ASXL2: variants seen among roughly 807,000 people sequenced by gnomAD.
ASXL2 encodes the protein putative Polycomb group protein ASXL2.
In ASXL2, 23 loss-of-function variants were observed where a neutral mutation model predicts 122.0. That is an observed-to-expected ratio of 0.19 (90% CI 0.14 to 0.27). The LOEUF is 0.27. Ranked by LOEUF, ASXL2 falls within the 10% of genes least tolerant of loss-of-function variation. ASXL2 has a pLI of 1.00. For synonymous variants in ASXL2, 650 were observed against 637.0 expected (o/e 1.02, Z -0.31); for missense variants, 1,518 against 1,713.8 (o/e 0.89, Z 2.02).
intron 9 of ASXL2, among the ~76,000 whole-genome samples, chr2:25,759,182 T>C (rs147784235): frequency 0.02 from 2,998 of 152,282 alleles, 111 homozygotes; most frequent in African/African-American, 0.065. Context: ...CTTGAACTCC[T>C]GACCTCAGGT....
intron 8 of ASXL2, among the ~76,000 whole-genome samples, chr2:25,764,524 G>A (rs2088310027): frequency 6.6e-6 from 1 of 152,144 alleles, no homozygotes; most frequent in African/African-American, 2.4e-5. Context: ...AAGCCATCCT[G>A]GGCCACATGC....
intron 12 of ASXL2, among the ~76,000 whole-genome samples, chr2:25,748,093 C>T (rs1574393812): frequency 6.6e-6 from 1 of 151,842 alleles, no homozygotes; most frequent in Admixed American, 6.6e-5. Flanking sequence ...CAGGAGAATC[C>T]CTTGAATCCG....
rs1487673714 is a variant in ASXL2 at position 25,741,743 on chromosome 2, A to C, written c.*286T>G. On this transcript the variant is annotated 3_prime_UTR_variant, in exon 13 of 13. Transcript: ENST00000435504. Reference sequence around the variant, plus strand: ...CAAAGTAATACATTATTACCTAAACACTTGGAAAAATAATGTTAAACAAAA... The same window carrying C: ...CAAAGTAATACATTATTACCTAAACCCTTGGAAAAATAATGTTAAACAAAA... 1 of 383,728 alleles carries C rather than the reference A, an allele frequency of 2.6e-6. No homozygotes were observed. The highest frequency in any genetic ancestry group is 4.7e-6 in the Non-Finnish European group (1 of 210,778). 23.8% of individuals were successfully genotyped at this position (383,728 alleles called of 1,614,324 possible).
At chr2:25,811,828 T>C (rs1206380435) in intron 3 of ASXL2, among the ~76,000 whole-genome samples, 3 of 152,192 alleles carry the variant, frequency 2.0e-5, no homozygotes, top group Non-Finnish European at 2.9e-5. Flanking sequence ...CTTGGCTTAC[T>C]GTAACCTCTG....
intron 6 of ASXL2, among the ~76,000 whole-genome samples, chr2:25,770,146 T>C (rs2088420993): frequency 6.6e-6 from 1 of 152,246 alleles, no homozygotes; most frequent in Non-Finnish European, 1.5e-5. Flanking sequence ...TAACGTAAAA[T>C]TTATTAGAAC....
intron 1 of ASXL2, among the ~76,000 whole-genome samples, chr2:25,860,566 C>T (rs985372729): frequency 2.0e-5 from 3 of 151,394 alleles, no homozygotes; most frequent in Non-Finnish European, 4.4e-5. Context: ...TACAAAAATG[C>T]CGGGCGTGGT....
At chr2:25,769,151 T>C (rs1403629419) in intron 6 of ASXL2, among the ~76,000 whole-genome samples, 1 of 152,150 alleles carries the variant, frequency 6.6e-6, no homozygotes, top group Non-Finnish European at 1.5e-5. Context: ...TTCCTTTATA[T>C]AAATGTGAAA....
intron 3 of ASXL2, among the ~76,000 whole-genome samples, chr2:25,834,906 T>C (rs561929962): frequency 6.6e-6 from 1 of 152,160 alleles, no homozygotes; most frequent in Admixed American, 6.5e-5. Flanking sequence ...CACTGCAACC[T>C]CCACCTTGTG....
chr2:25,870,863 T>C (rs1347455712), intron 1 of ASXL2, among the ~76,000 whole-genome samples: 1 of 152,168 alleles, frequency 6.6e-6, no homozygotes, highest in Non-Finnish European at 1.5e-5. Context: ...TTAATTTCGG[T>C]ATGGTAAGTA....
intron 3 of ASXL2, among the ~76,000 whole-genome samples, chr2:25,807,242 C>T (rs2089095926): frequency 6.6e-6 from 1 of 152,114 alleles, no homozygotes; most frequent in South Asian, 2.1e-4. Context: ...TTTTCCCTCT[C>T]AGTTTTCTGT....
intron 1 of ASXL2, among the ~76,000 whole-genome samples, chr2:25,865,970 T>C (rs540049123): frequency 1.3e-5 from 2 of 152,112 alleles, no homozygotes; most frequent in East Asian, 3.9e-4. Flanking sequence ...CTTCATTCCA[T>C]TAATGCACCA....
Position 25,744,976 on chromosome 2 carries a change from CACACTT to C in ASXL2, c.1861-506_1861-501del, listed in dbSNP as rs1367274534. On this transcript the variant is annotated intron_variant, in intron 12 of 12. Coordinates refer to ENST00000435504, the MANE Select transcript of ASXL2 (RefSeq NM_018263.6). The surrounding 1 kb of genome is among the most constrained non-coding windows in gnomAD (Gnocchi z 4.7). ...ACACACACACACACACACACACACA[CACACTT>C]GGGCTGGATTATCTCAAATTACACA... is the stretch of plus-strand genomic sequence containing the variant. Among the ~76,000 whole-genome samples the C allele has an allele frequency of 2.0e-5, 3 of 147,366 alleles. No individual in the cohort carries two copies. The highest frequency in any genetic ancestry group is 7.6e-5 in the African/African-American group (3 of 39,688).
chr2:25,815,253 C>A (rs1311154152), intron 3 of ASXL2, among the ~76,000 whole-genome samples: 1 of 152,012 alleles, frequency 6.6e-6, no homozygotes, highest in Admixed American at 6.6e-5. Context: ...AATAATCTGA[C>A]CTTGACCAAA....
intron 5 of ASXL2, among the ~76,000 whole-genome samples, chr2:25,794,914 G>T (rs2088890275): frequency 6.6e-6 from 1 of 152,128 alleles, no homozygotes; most frequent in South Asian, 2.1e-4. Context: ...CTGGCTACAT[G>T]TCTGTCACTT....
chr2:25,870,023 C>T (rs932474322), intron 1 of ASXL2, among the ~76,000 whole-genome samples: 1 of 151,736 alleles, frequency 6.6e-6, no homozygotes, highest in Non-Finnish European at 1.5e-5. Flanking sequence ...ATAGCTTAAG[C>T]CCAGGAGTTT....
rs537822959 is a variant in ASXL2 at position 25,878,386 on chromosome 2, CG to C, written c.-165del. 3.0e-5 allele frequency: 18 copies of C among 602,584 alleles called. No homozygotes were observed. The highest frequency in any genetic ancestry group is 6.0e-5 in the East Asian group (2 of 33,226). The allele number at this position is 602,584 out of a possible 1,614,324, so 37.3% of individuals were successfully genotyped here. A position where few individuals can be genotyped will look rare whatever the true frequency, so the allele number is the denominator to read the frequency against. On this transcript the variant is annotated 5_prime_UTR_variant, in exon 1 of 13. The change abolishes the stop of an existing upstream ORF in the 5' untranslated region. Transcript: ENST00000435504. ...CAGAGGAAGCGGCGGGGGTGGTGCGCGGGGGGGTCTATGGGGCGGCCGGTCC... is the reference window on the plus strand; with the variant it reads ...CAGAGGAAGCGGCGGGGGTGGTGCGCGGGGGGTCTATGGGGCGGCCGGTCC...
intron 3 of ASXL2, among the ~76,000 whole-genome samples, chr2:25,829,256 A>G (rs1306936995): frequency 6.6e-6 from 1 of 151,844 alleles, no homozygotes; most frequent in Non-Finnish European, 1.5e-5. Context: ...AGAGAGACAG[A>G]GACAGAAACA....
intron 9 of ASXL2, among the ~76,000 whole-genome samples, chr2:25,758,896 A>T (rs1233090443): frequency 1.3e-5 from 2 of 151,870 alleles, no homozygotes; most frequent in African/African-American, 2.4e-5. Flanking sequence ...CACTCCACTG[A>T]AGCACTGGCC....
chr2:25,858,343 C>G (rs546120638), intron 1 of ASXL2, among the ~76,000 whole-genome samples: 2 of 152,024 alleles, frequency 1.3e-5, no homozygotes, highest in East Asian at 3.9e-4. Flanking sequence ...CCATCACAAA[C>G]CGGGTATATT....
Sources: allele counts gnomAD v4.1 joint callset (sites outside exome capture counted in the v4.1 genomes callset), GRCh38; gene constraint gnomAD v4.1.1; non-coding constraint Gnocchi (gnomAD v3.1); transcripts MANE v1.5; gene names NCBI Gene and HGNC (gene_info 2026-07-23, HGNC 2026-07-21).